Variants in TSPAN33 observed in about 807,000 individuals in gnomAD.
TSPAN33 encodes tetraspanin-33.
TSPAN33 carries 27 observed loss-of-function variants against 34.8 expected under a neutral mutation model. The observed-to-expected ratio is 0.78, with a 90% CI of 0.57 to 1.07. The LOEUF (loss-of-function observed/expected upper bound fraction) is 1.07. Ranked by LOEUF, TSPAN33 falls within the 50% of genes least tolerant of loss-of-function variation. The pLI, the probability that TSPAN33 is intolerant of heterozygous loss-of-function variation, is 0.00. For synonymous variants in TSPAN33, 119 were observed against 124.2 expected (o/e 0.96, Z 0.28); for missense variants, 272 against 324.9 (o/e 0.84, Z 1.25).
chr7:129,167,441 G>A lies in TSPAN33; in HGVS notation c.631G>A (p.Asp211Asn), dbSNP rs1793159964. Residue 211 changes from aspartate (D) to asparagine (N), a missense_variant, in exon 7 of 8, where the codon GAC (aspartate) becomes AAC (asparagine). Asp to Asn is a conservative substitution (Grantham distance 23). Transcript: ENST00000486685. The surrounding 1 kb of genome is among the most constrained non-coding windows in gnomAD (Gnocchi z 4.6). ...TMCGQGMQAF[D>N]YLEASKVIYT... ...GTGTGGCCAAGGTATGCAGGCCTTT[G>A]ACTACTTGGAAGCTAGCAAAGTCAT... The A allele has an allele frequency of 6.2e-7, 1 of 1,613,714 alleles. No homozygotes were observed. Among genetic ancestry groups the A allele is most frequent in the Non-Finnish European group, 8.5e-7 (1 of 1,179,942 alleles).
Position 129,161,483 on chromosome 7 carries a change from TATG to T in TSPAN33, c.103-192_103-190del, listed in dbSNP as rs777282082. Among the ~76,000 whole-genome samples, 18 of 152,130 alleles carry T rather than the reference TATG, an allele frequency of 1.2e-4. 1 individual carries two copies. Among genetic ancestry groups the T allele is most frequent in the African/African-American group, 1.7e-4 (7 of 41,408 alleles). On this transcript the variant is annotated intron_variant, in intron 1 of 7. Transcript: ENST00000486685. ...CGAGCACTGAATGAATAATGAAAAA[TATG>T]ATGTGGGTAAAAGTGTCTCATGGAG...
At chr7:129,155,656 GT>G (rs34953537) in intron 1 of TSPAN33, among the ~76,000 whole-genome samples, 148,530 of 149,714 alleles carry the variant, frequency 0.99, 73,688 homozygotes, top group South Asian at 1. Context: ...CACTTTATTG[GT>G]TTTTTTTTTC....
chr7:129,151,785 T>G (rs925731110), intron 1 of TSPAN33, among the ~76,000 whole-genome samples: 19 of 152,136 alleles, frequency 1.2e-4, no homozygotes, highest in Non-Finnish European at 1.6e-4. Flanking sequence ...GCAACTATTA[T>G]GGAAAACTAG....
Position 129,169,544 on chromosome 7 carries a change from G to C in TSPAN33, c.*1670G>C, listed in dbSNP as rs925630210. ...CGAACTGCTGCGGGGACAAAGAGCC[G>C]CGAGTTCGCTCCCTGCCCCCAGTGT... On this transcript the variant is annotated 3_prime_UTR_variant, in exon 8 of 8. Transcript: ENST00000486685. The C allele has an allele frequency of 3.3e-5, 5 of 152,260 alleles. No individual in the cohort carries two copies. The highest frequency in any genetic ancestry group is 7.3e-5 in the Non-Finnish European group (5 of 68,060). 9.4% of individuals were successfully genotyped at this position (152,260 alleles called of 1,614,324 possible).
intron 3 of TSPAN33, 128 bp from the exon 4 acceptor site, chr7:129,162,705 G>A: frequency 7.1e-7 from 1 of 1,402,652 alleles, no homozygotes; most frequent in South Asian, 1.3e-5. Context: ...GTGTCCCAGA[G>A]GCAGCTGCCT....
Position 129,165,260 on chromosome 7 carries a change from A to G in TSPAN33, c.459+691A>G, listed in dbSNP as rs1563139216. On this transcript the variant is annotated intron_variant, in intron 5 of 7. Coordinates refer to ENST00000486685, the MANE Select transcript of TSPAN33 (RefSeq NM_178562.5). The surrounding 1 kb of genome is among the most constrained non-coding windows in gnomAD (Gnocchi z 4.5). ...CCTCTCTTGAAACTTTGTATCCATTAAACACTAACTCCCCATTTTCCTCTC... is the reference window on the plus strand; with the variant it reads ...CCTCTCTTGAAACTTTGTATCCATTGAACACTAACTCCCCATTTTCCTCTC... Among the ~76,000 whole-genome samples the G allele has an allele frequency of 6.6e-6, 1 of 152,206 alleles. No homozygotes were observed. Among genetic ancestry groups the G allele is most frequent in the Non-Finnish European group, 1.5e-5 (1 of 68,050 alleles).
chr7:129,162,629 G>A, intron 3 of TSPAN33, 108 bp downstream of exon 3: 1 of 1,544,798 alleles, frequency 6.5e-7, no homozygotes, highest in Non-Finnish European at 8.8e-7. Context: ...CCAAGCCTGT[G>A]CTGTCCACCC....
intron 1 of TSPAN33, among the ~76,000 whole-genome samples, chr7:129,157,325 A>C (rs1810676491): frequency 1.3e-5 from 2 of 152,108 alleles, no homozygotes; most frequent in African/African-American, 2.4e-5. Flanking sequence ...CAGCAGCAGC[A>C]CTAACTTTGG....
intron 1 of TSPAN33, among the ~76,000 whole-genome samples, chr7:129,157,269 C>T (rs909341851): frequency 2.0e-5 from 3 of 152,006 alleles, no homozygotes. Flanking sequence ...TGGCCAAAAC[C>T]CATTTCTAAG....
chr7:129,153,490 G>T (rs1810628139), intron 1 of TSPAN33, among the ~76,000 whole-genome samples: 1 of 152,190 alleles, frequency 6.6e-6, no homozygotes, highest in Non-Finnish European at 1.5e-5. Flanking sequence ...TTAAAGCCAA[G>T]AGACTGTTCC....
In TSPAN33 at chr7:129,164,531, T is replaced by C. The variant is rs781755905; in HGVS notation, c.421T>C (p.Leu141=). ...NNAIVHYRDD[L]DLQNLIDFGQ... ...TGCCATTGTGCACTACCGAGATGAC[T>C]TGGATCTGCAGAACCTCATTGATTT... Residue 141 remains leucine (L), a synonymous_variant, in exon 5 of 8, where the codon TTG becomes CTG. Transcript: ENST00000486685. 2 of 1,614,060 alleles carry C rather than the reference T, an allele frequency of 1.2e-6. No individual in the cohort carries two copies. Among genetic ancestry groups the C allele is most frequent in the South Asian group, 2.2e-5 (2 of 91,062 alleles).
intron 1 of TSPAN33, among the ~76,000 whole-genome samples, chr7:129,150,527 C>G (rs1036009859): frequency 3.3e-5 from 5 of 152,188 alleles, no homozygotes; most frequent in Non-Finnish European, 7.4e-5. Flanking sequence ...TGGCCAAGCT[C>G]ATAAGGCTTT....
intron 4 of TSPAN33, among the ~76,000 whole-genome samples, chr7:129,163,736 C>T (rs1398618411): frequency 6.6e-6 from 1 of 152,008 alleles, no homozygotes; most frequent in Non-Finnish European, 1.5e-5. Flanking sequence ...GAGGCTGAGG[C>T]GGGCAGATCA....
Position 129,144,903 on chromosome 7 carries a change from CCCCCGGG to C in TSPAN33, c.-76_-70del. The C allele has an allele frequency of 3.5e-6, 1 of 283,450 alleles. No homozygotes were observed. Among genetic ancestry groups the C allele is most frequent in the Non-Finnish European group, 6.4e-6 (1 of 156,784 alleles). 17.6% of individuals were successfully genotyped at this position (283,450 alleles called of 1,614,324 possible). A position where few individuals can be genotyped will look rare whatever the true frequency, so the allele number is the denominator to read the frequency against. ...CCTGCGCGGCGCGGCTCGGCTCATG[CCCCCGGG>C]CGCGGGGCACACAGGCCGGCCGGCA... On this transcript the variant is annotated 5_prime_UTR_variant, in exon 1 of 8. The change abolishes the stop of an existing upstream ORF in the 5' untranslated region. Transcript: ENST00000486685.
At chr7:129,149,145 A>G (rs1481549491) in intron 1 of TSPAN33, among the ~76,000 whole-genome samples, 1 of 152,238 alleles carries the variant, frequency 6.6e-6, no homozygotes, top group African/African-American at 2.4e-5. Context: ...AAATATGGGA[A>G]ATGAAGACAA....
chr7:129,164,419 G>A (rs1793105150), intron 4 of TSPAN33, 55 bp from the exon 5 acceptor site: 4 of 1,499,748 alleles, frequency 2.7e-6, no homozygotes, highest in African/African-American at 1.4e-5. Flanking sequence ...TTTGCTGGAA[G>A]GAGCAAGTTA....
intron 1 of TSPAN33, among the ~76,000 whole-genome samples, chr7:129,150,758 T>C (rs1810582399): frequency 1.3e-5 from 2 of 152,076 alleles, no homozygotes; most frequent in Admixed American, 6.5e-5. Flanking sequence ...TAAATGCTCC[T>C]AGAGGTCACC....
At chr7:129,150,196 G>A (rs1236396676) in intron 1 of TSPAN33, among the ~76,000 whole-genome samples, 2 of 152,214 alleles carry the variant, frequency 1.3e-5, no homozygotes, top group East Asian at 1.9e-4. Flanking sequence ...CTGGACTTTG[G>A]ACTATGGAAG....
intron 5 of TSPAN33, 134 bp from the exon 6 acceptor site, chr7:129,166,644 T>A (rs912516715): frequency 3.7e-6 from 4 of 1,089,258 alleles, no homozygotes; most frequent in Admixed American, 5.5e-5. Context: ...GCTCAAAGTT[T>A]AAGGCTGTGT....
Sources: allele counts gnomAD v4.1 joint callset (sites outside exome capture counted in the v4.1 genomes callset), GRCh38; gene constraint gnomAD v4.1.1; non-coding constraint Gnocchi (gnomAD v3.1); transcripts MANE v1.5; gene names NCBI Gene and HGNC (gene_info 2026-07-23, HGNC 2026-07-21).